Variants in NKAIN2 observed in about 807,000 individuals in gnomAD.
The protein encoded by NKAIN2 is sodium/potassium transporting ATPase interacting 2.
NKAIN2 carries 14 observed loss-of-function variants against 32.6 expected under a neutral mutation model. The ratio of observed to expected loss-of-function variants is 0.43; its 90% CI spans 0.28 to 0.67. NKAIN2 has a LOEUF of 0.67. NKAIN2 is among the 30% of genes least tolerant of loss of function. NKAIN2 has a pLI of 0.17. For missense variants in NKAIN2, 198 were observed against 258.3 expected, an observed-to-expected ratio of 0.77 and a Z score of 1.60; for synonymous variants, 80 against 87.2, an observed-to-expected ratio of 0.92 and a Z score of 0.46.
intron 5 of NKAIN2, among the ~76,000 whole-genome samples, chr6:124,815,089 G>GGGAAGCTCAGAGCAT (rs1781082825): frequency 6.6e-6 from 1 of 151,644 alleles, no homozygotes. Flanking sequence ...GCTCAGAGCA[G>GGGAAGCTCAGAGCAT]TGAAGCTCTA....
intron 3 of NKAIN2, among the ~76,000 whole-genome samples, chr6:124,535,802 TTC>T (rs571017561): frequency 1.8e-3 from 267 of 152,304 alleles, no homozygotes; most frequent in African/African-American, 6.2e-3. Flanking sequence ...GCCTGTAAGT[TTC>T]TCTCTTTTTC....
intron 1 of NKAIN2, among the ~76,000 whole-genome samples, chr6:124,102,629 C>T (rs976647960): frequency 2.0e-5 from 3 of 152,078 alleles, no homozygotes; most frequent in African/African-American, 7.2e-5. Context: ...AAGTATGTGG[C>T]TCTGTGCACA....
intron 1 of NKAIN2, among the ~76,000 whole-genome samples, chr6:124,181,305 G>T (rs2114543980): frequency 6.6e-6 from 1 of 152,146 alleles, no homozygotes; most frequent in East Asian, 1.9e-4. Context: ...TAGGCCTCTG[G>T]GTCTATAATG....
intron 3 of NKAIN2, among the ~76,000 whole-genome samples, chr6:124,482,326 C>T (rs1777486844): frequency 6.6e-6 from 1 of 151,964 alleles, no homozygotes; most frequent in Admixed American, 6.6e-5. Context: ...ACAGTTTGGC[C>T]CCATGTGTTT....
rs185093918 is a variant in NKAIN2 at position 124,615,285 on chromosome 6, C to T, written c.274-42901C>T. Among the ~76,000 whole-genome samples the T allele has an allele frequency of 2.1e-3, 326 of 152,222 alleles. 2 individuals are homozygous for T. Among genetic ancestry groups the T allele is most frequent in the Admixed American group, 6.5e-3 (99 of 15,290 alleles). ...CAATTTTAAAATTTGACTTAAAAATCATAAACTATTTAGAAAAATTTCAGC... is the reference window on the plus strand; with the variant it reads ...CAATTTTAAAATTTGACTTAAAAATTATAAACTATTTAGAAAAATTTCAGC... On this transcript the variant is annotated intron_variant, in intron 3 of 6. Coordinates refer to ENST00000368417, the MANE Select transcript of NKAIN2 (RefSeq NM_001040214.3).
At chr6:124,265,430 A>G (rs1490763603) in intron 1 of NKAIN2, among the ~76,000 whole-genome samples, 1 of 152,204 alleles carries the variant, frequency 6.6e-6, no homozygotes, top group East Asian at 1.9e-4. Context: ...GACACATAGC[A>G]CATACCATTG....
chr6:123,872,792 T>G (rs183689292), intron 1 of NKAIN2, among the ~76,000 whole-genome samples: 1 of 152,340 alleles, frequency 6.6e-6, no homozygotes, highest in East Asian at 1.9e-4. Flanking sequence ...AAGAGATGTT[T>G]TTAAATGCTT....
At chr6:124,341,173 A>G (rs1798099540) in intron 2 of NKAIN2, among the ~76,000 whole-genome samples, 1 of 152,130 alleles carries the variant, frequency 6.6e-6, no homozygotes, top group Non-Finnish European at 1.5e-5. Flanking sequence ...TTTTTGCAAA[A>G]TGGAAATTTC....
chr6:124,044,326 A>G (rs1214982585), intron 1 of NKAIN2, among the ~76,000 whole-genome samples: 3 of 151,962 alleles, frequency 2.0e-5, no homozygotes, highest in African/African-American at 7.2e-5. Flanking sequence ...AATCCTCCAT[A>G]TATAAAAACT....
intron 4 of NKAIN2, among the ~76,000 whole-genome samples, chr6:124,669,954 TATC>T (rs1275108215): frequency 1.3e-5 from 2 of 152,148 alleles, no homozygotes; most frequent in South Asian, 2.1e-4. Flanking sequence ...TCAGGATAAA[TATC>T]ATCATCCCCA....
chr6:124,286,872 C>G (rs958216015), intron 2 of NKAIN2, among the ~76,000 whole-genome samples: 1 of 151,832 alleles, frequency 6.6e-6, no homozygotes, highest in African/African-American at 2.4e-5. Flanking sequence ...TCAGTAGAGA[C>G]GAGGTTTCAC....
At chr6:124,153,435 T>G (rs1040861245) in intron 1 of NKAIN2, among the ~76,000 whole-genome samples, 3 of 151,944 alleles carry the variant, frequency 2.0e-5, no homozygotes, top group Middle Eastern at 3.4e-3. Flanking sequence ...GGAATAGCAT[T>G]GAATTTATAG....
chr6:124,155,453 G>T (rs151197279), intron 1 of NKAIN2, among the ~76,000 whole-genome samples: 3 of 151,452 alleles, frequency 2.0e-5, no homozygotes, highest in Non-Finnish European at 4.4e-5. Context: ...CAATTAAAAA[G>T]AAAAAAATTT....
chr6:124,274,778 T>A (rs776258896), intron 1 of NKAIN2, among the ~76,000 whole-genome samples: 14 of 151,970 alleles, frequency 9.2e-5, no homozygotes, highest in Non-Finnish European at 1.8e-4. Flanking sequence ...GCGGACACAC[T>A]ATTCAAAAAA....
intron 1 of NKAIN2, among the ~76,000 whole-genome samples, chr6:124,210,327 T>C (rs1791105783): frequency 6.6e-6 from 1 of 151,978 alleles, no homozygotes; most frequent in South Asian, 2.1e-4. Flanking sequence ...CCATGCTGTT[T>C]CGATTACTAT....
Position 124,825,040 on chromosome 6 carries a change from C to G in NKAIN2, c.*1811C>G, listed in dbSNP as rs549594618. 1.3e-5 allele frequency: 2 copies of G among 152,630 alleles called. No homozygotes were observed. Among genetic ancestry groups the G allele is most frequent in the African/African-American group, 4.8e-5 (2 of 41,544 alleles). 9.5% of individuals were successfully genotyped at this position (152,630 alleles called of 1,614,324 possible). Reference sequence around the variant, plus strand: ...AACAATTGCAAACATGTCAGTGAAACCTCATATGACGCTTTTATAGTGACA... The same window carrying G: ...AACAATTGCAAACATGTCAGTGAAAGCTCATATGACGCTTTTATAGTGACA... On this transcript the variant is annotated 3_prime_UTR_variant, in exon 7 of 7. Coordinates refer to ENST00000368417, the MANE Select transcript of NKAIN2 (RefSeq NM_001040214.3).
intron 4 of NKAIN2, among the ~76,000 whole-genome samples, chr6:124,697,402 T>G (rs1774548708): frequency 6.6e-6 from 1 of 152,234 alleles, no homozygotes; most frequent in Admixed American, 6.5e-5. Flanking sequence ...ATTAACCATG[T>G]AATACCTAAC....
chr6:123,975,738 C>A (rs1778536786), intron 1 of NKAIN2, among the ~76,000 whole-genome samples: 1 of 152,010 alleles, frequency 6.6e-6, no homozygotes, highest in South Asian at 2.1e-4. Flanking sequence ...TATAAAGGCA[C>A]CAATCCCATT....
At chr6:123,883,061 C>A (rs948201860) in intron 1 of NKAIN2, among the ~76,000 whole-genome samples, 1 of 152,024 alleles carries the variant, frequency 6.6e-6, no homozygotes, top group African/African-American at 2.4e-5. Flanking sequence ...AAATTGTAAT[C>A]CCCAGTGTTG....
Sources: gnomAD v4.1 joint callset for allele counts (sites outside exome capture counted in the v4.1 genomes callset) on GRCh38, gnomAD v4.1.1 for gene constraint, MANE v1.5 for transcripts, NCBI Gene and HGNC (gene_info 2026-07-23, HGNC 2026-07-21) for gene names.